CSMD2: variants seen among roughly 807,000 people sequenced by gnomAD.
CSMD2 encodes CUB and sushi domain-containing protein 2.
Under a neutral mutation model 398.5 loss-of-function variants are expected in CSMD2, and 130 were observed. The ratio of observed to expected loss-of-function variants is 0.33; its 90% confidence interval spans 0.28 to 0.38. The LOEUF is 0.38. Ranked by LOEUF, CSMD2 falls within the 10% of genes least tolerant of loss-of-function variation. CSMD2 has a pLI of 1.00. For missense variants in CSMD2, 3,829 were observed against 4,764.9 expected, an observed-to-expected ratio of 0.80 and a Z score of 5.78; for synonymous variants, 1,828 against 1,908.5, an observed-to-expected ratio of 0.96 and a Z score of 1.10.
intron 25 of CSMD2, among the ~76,000 whole-genome samples, chr1:33,685,767 G>A (rs915328305): frequency 4.6e-5 from 7 of 152,114 alleles, no homozygotes; most frequent in Middle Eastern, 3.2e-3. Context: ...ACTGAACTCC[G>A]TCACTTGGCT....
At position 33,984,537 on chromosome 1, in the gene CSMD2, C is replaced by T. The variant is rs377753575; in HGVS notation, c.517+48057G>A. Among the ~76,000 whole-genome samples the T allele has an allele frequency of 1.9e-4, 29 of 152,222 alleles. No homozygotes were observed. The East Asian group carries it at 4.3e-3, about 22-fold the overall frequency. On this transcript the variant is annotated intron_variant, in intron 3 of 70. Coordinates refer to ENST00000373381, the MANE Select transcript of CSMD2 (RefSeq NM_001281956.2). Reference sequence around the variant, plus strand: ...ATCTTGGTCTGGGTGCAGTGGCTCACGCCTGCGCTTTGGGAGGTGGAGGAA... The same window carrying T: ...ATCTTGGTCTGGGTGCAGTGGCTCATGCCTGCGCTTTGGGAGGTGGAGGAA...
chr1:33,730,604 T>C (rs965189321), intron 15 of CSMD2, among the ~76,000 whole-genome samples: 2 of 136,114 alleles, frequency 1.5e-5, no homozygotes, highest in African/African-American at 3.2e-5. Context: ...CTTAATAGGA[T>C]ACAAAAAGAA....
At chr1:33,962,157 G>A (rs1044991316) in intron 3 of CSMD2, among the ~76,000 whole-genome samples, 2 of 152,132 alleles carry the variant, frequency 1.3e-5, no homozygotes, top group Admixed American at 6.5e-5. Flanking sequence ...CCCAGGACTC[G>A]TACTGCAGGG....
chr1:33,754,928 G>A (rs977025720), intron 13 of CSMD2, among the ~76,000 whole-genome samples: 2 of 151,982 alleles, frequency 1.3e-5, no homozygotes, highest in African/African-American at 4.8e-5. Flanking sequence ...GAGGAGAAGG[G>A]GCTGTTCATG....
At chr1:33,786,974 C>T (rs1362677927) in intron 12 of CSMD2, among the ~76,000 whole-genome samples, 2 of 152,192 alleles carry the variant, frequency 1.3e-5, no homozygotes, top group African/African-American at 2.4e-5. Context: ...AACAGAGTTG[C>T]TGCAAATGTA....
At chr1:33,692,658 G>T (rs558695786) in intron 25 of CSMD2, among the ~76,000 whole-genome samples, 6 of 152,326 alleles carry the variant, frequency 3.9e-5, no homozygotes, top group Middle Eastern at 6.8e-3. Context: ...TTCAAATGGG[G>T]GTCTGCATGC....
At chr1:33,977,159 G>T (rs570579762) in intron 3 of CSMD2, among the ~76,000 whole-genome samples, 1 of 152,160 alleles carries the variant, frequency 6.6e-6, no homozygotes, top group South Asian at 2.1e-4. Context: ...GGGTGCTGGA[G>T]GTAAACAGCT....
chr1:33,608,048 T>A (rs531924625), intron 41 of CSMD2, among the ~76,000 whole-genome samples: 24 of 152,122 alleles, frequency 1.6e-4, no homozygotes, highest in Non-Finnish European at 2.4e-4. Flanking sequence ...GTCCCGAATG[T>A]TGGCTTGTCG....
At chr1:33,576,186 T>C (rs1362664023) in intron 49 of CSMD2, among the ~76,000 whole-genome samples, 1 of 152,220 alleles carries the variant, frequency 6.6e-6, no homozygotes. Context: ...AAGTTTATCG[T>C]CACAAAGAAT....
rs1653781817 is a variant in CSMD2, at chr1:33,516,551, A to C, written c.*73T>G. On this transcript the variant is annotated 3_prime_UTR_variant, in exon 71 of 71. Coordinates refer to ENST00000373381, the MANE Select transcript of CSMD2 (RefSeq NM_001281956.2). ...CTGGGCACTGTGCTCAGGGGAGCCT[A>C]CTTCCTGCCCCCTGGGGAACTGGGA... The C allele has an allele frequency of 6.6e-6, 1 of 152,262 alleles. No individual in the cohort carries two copies. 9.4% of individuals were successfully genotyped at this position (152,262 alleles called of 1,614,324 possible).
Position 33,636,428 on chromosome 1 carries a change from G to C in CSMD2, c.4901C>G (p.Ser1634Trp). The C allele has an allele frequency of 6.2e-7, 1 of 1,614,124 alleles. No homozygotes were observed. The change falls in exon 30 of 71, where the codon TCG (serine) becomes TGG (tryptophan). Residue 1634 changes from serine to tryptophan, a missense_variant. Transcript: ENST00000373381. The surrounding 1 kb of genome is among the most constrained non-coding windows in gnomAD (Gnocchi z 4.8). ...AGGCCCCAGGATGCAGCTCAGGGTC[G>C]AGGTGCCCTCAACTTCGTAGCCCCC... is the stretch of plus-strand genomic sequence containing the variant. Reference protein sequence around the residue: ...CHGGYEVEGTSTLSCILGPDG... With the variant: ...CHGGYEVEGTWTLSCILGPDG...
intron 10 of CSMD2, among the ~76,000 whole-genome samples, chr1:33,798,703 T>C (rs145892978): frequency 0.019 from 2,955 of 152,208 alleles, 40 homozygotes; most frequent in Middle Eastern, 0.041. Flanking sequence ...GAGAGACCAG[T>C]GGAGGCTGAT....
chr1:34,084,467 T>C (rs1657626632), intron 2 of CSMD2, among the ~76,000 whole-genome samples: 1 of 152,210 alleles, frequency 6.6e-6, no homozygotes, highest in African/African-American at 2.4e-5. Context: ...AGAAAAATTT[T>C]GCAACCTACT....
At chr1:33,550,690 C>T (rs1048167643) in intron 55 of CSMD2, among the ~76,000 whole-genome samples, 2 of 152,154 alleles carry the variant, frequency 1.3e-5, no homozygotes, top group African/African-American at 4.8e-5. Context: ...GCAGAGTATA[C>T]ACAAGACAAA....
At chr1:34,123,424 G>A (rs540601349) in intron 1 of CSMD2, among the ~76,000 whole-genome samples, 4 of 152,036 alleles carry the variant, frequency 2.6e-5, no homozygotes, top group Admixed American at 6.5e-5. Context: ...TTCATCTAAC[G>A]TTCATCTGTA....
rs1186838403 is a variant in CSMD2 at position 33,698,737 on chromosome 1, G to A, written c.3925+16C>T. 5.0e-6 allele frequency: 8 copies of A among 1,605,034 alleles called. No individual in the cohort carries two copies. The highest frequency in any genetic ancestry group is 1.3e-5 in the African/African-American group (1 of 74,746). On this transcript the variant is annotated intron_variant, in intron 24 of 70. Transcript: ENST00000373381. ...GGGAGACCCAAGGGTTCCCTGCAGAGGAAGAGCCCTCCTACCGACACAGGT... is the reference window on the plus strand; with the variant it reads ...GGGAGACCCAAGGGTTCCCTGCAGAAGAAGAGCCCTCCTACCGACACAGGT...
At chr1:34,043,707 C>T (rs982974566) in intron 2 of CSMD2, among the ~76,000 whole-genome samples, 22 of 152,190 alleles carry the variant, frequency 1.4e-4, no homozygotes, top group African/African-American at 3.9e-4. Flanking sequence ...ATCTGGGAAC[C>T]GGGATTTCAG....
At chr1:33,540,328 C>T (rs887490788) in intron 60 of CSMD2, among the ~76,000 whole-genome samples, 197 bp downstream of exon 60, 11 of 151,998 alleles carry the variant, frequency 7.2e-5, no homozygotes, top group African/African-American at 2.7e-4. Flanking sequence ...CAGTATCTGA[C>T]ACCAGGGCTC....
chr1:33,933,588 A>G (rs1213285831), intron 4 of CSMD2, among the ~76,000 whole-genome samples: 1 of 152,150 alleles, frequency 6.6e-6, no homozygotes, highest in Admixed American at 6.5e-5. Context: ...CCCTCCTTGG[A>G]AGATCAGAAT....
Sources: allele counts gnomAD v4.1 joint callset (sites outside exome capture counted in the v4.1 genomes callset), GRCh38; gene constraint gnomAD v4.1.1; non-coding constraint Gnocchi (gnomAD v3.1); transcripts MANE v1.5; gene names NCBI Gene and HGNC (gene_info 2026-07-23, HGNC 2026-07-21).